The following OSBPL10 variants were observed in gnomAD, a reference collection of about 807,000 sequenced individuals.
OSBPL10 encodes oxysterol-binding protein-related protein 10.
In OSBPL10, 49 loss-of-function variants were observed where a neutral mutation model predicts 81.7. The observed-to-expected ratio is 0.60, with a 90% CI of 0.48 to 0.76. OSBPL10 has a LOEUF of 0.76. OSBPL10 is among the 30% of genes least tolerant of loss of function. OSBPL10 has a pLI of 0.00. For synonymous variants in OSBPL10, 419 were observed against 383.6 expected, an observed-to-expected ratio of 1.09 and a Z score of -1.08; for missense variants, 923 against 987.8, an observed-to-expected ratio of 0.93 and a Z score of 0.88.
intron 6 of OSBPL10, among the ~76,000 whole-genome samples, chr3:31,706,294 T>C (rs960871674): frequency 1.3e-5 from 2 of 152,172 alleles, no homozygotes; most frequent in Non-Finnish European, 2.9e-5. Context: ...GCCCTTAAGA[T>C]ATCCACCCCC....
At chr3:31,736,712 C>A (rs1395958380) in intron 5 of OSBPL10, among the ~76,000 whole-genome samples, 2 of 152,170 alleles carry the variant, frequency 1.3e-5, no homozygotes, top group African/African-American at 4.8e-5. Context: ...GAAGTTTGGG[C>A]AACACAGTGA....
At chr3:31,916,429 G>T (rs886424605) in intron 1 of OSBPL10, among the ~76,000 whole-genome samples, 8 of 152,134 alleles carry the variant, frequency 5.3e-5, no homozygotes, top group Admixed American at 2.0e-4. Context: ...AAAAACAGAG[G>T]AGTCAAGTGT....
At chr3:31,852,891 T>C (rs892934728) in intron 3 of OSBPL10, among the ~76,000 whole-genome samples, 1 of 152,162 alleles carries the variant, frequency 6.6e-6, no homozygotes, top group African/African-American at 2.4e-5. Context: ...TCCTGTTTTG[T>C]TTGTTTTAAC....
At chr3:31,742,148 C>A (rs77150776) in intron 5 of OSBPL10, among the ~76,000 whole-genome samples, 4,605 of 152,252 alleles carry the variant, frequency 0.03, 96 homozygotes, top group Middle Eastern at 0.054. Flanking sequence ...CAGTAGGTGT[C>A]AGGAAAGAAA....
At chr3:31,862,180 T>G (rs1328593206) in intron 3 of OSBPL10, among the ~76,000 whole-genome samples, 2 of 152,154 alleles carry the variant, frequency 1.3e-5, no homozygotes, top group Non-Finnish European at 2.9e-5. Flanking sequence ...CAAAAAAATT[T>G]TTTTTTAATT....
chr3:31,846,200 A>G (rs1414200930), intron 3 of OSBPL10, among the ~76,000 whole-genome samples: 1 of 152,094 alleles, frequency 6.6e-6, no homozygotes, highest in African/African-American at 2.4e-5. Flanking sequence ...TTTTGTAGAG[A>G]CAAGATCTCA....
chr3:31,761,090 A>G (rs1042122406), intron 4 of OSBPL10, among the ~76,000 whole-genome samples: 1 of 152,166 alleles, frequency 6.6e-6, no homozygotes, highest in African/African-American at 2.4e-5. Flanking sequence ...TTCTTTCTTA[A>G]ACAATTTCAG....
At chr3:31,696,154 G>T (rs1253103563) in intron 7 of OSBPL10, among the ~76,000 whole-genome samples, 2 of 151,820 alleles carry the variant, frequency 1.3e-5, no homozygotes, top group Non-Finnish European at 2.9e-5. Context: ...CCCTCTCTCT[G>T]CCTGCCCCCC....
chr3:31,825,842 C>G (rs1700087383), intron 4 of OSBPL10, among the ~76,000 whole-genome samples: 1 of 152,150 alleles, frequency 6.6e-6, no homozygotes, highest in African/African-American at 2.4e-5. Flanking sequence ...GAACCACTGT[C>G]TTAAACAACT....
intron 4 of OSBPL10, among the ~76,000 whole-genome samples, chr3:31,824,301 T>C (rs552889325): frequency 1.3e-5 from 2 of 152,226 alleles, no homozygotes; most frequent in South Asian, 4.2e-4. Context: ...GTTGCTGTAG[T>C]TGCAGGTTGG....
chr3:31,737,349 T>G (rs17028168), intron 5 of OSBPL10, among the ~76,000 whole-genome samples: 2 of 152,058 alleles, frequency 1.3e-5, no homozygotes, highest in Non-Finnish European at 2.9e-5. Flanking sequence ...GAAAAAATAT[T>G]CTCAAGAAGG....
At position 31,790,657 on chromosome 3, in the gene OSBPL10, C is replaced by T. The variant is rs145360222; in HGVS notation, c.729+39383G>A. 4.9e-4 allele frequency among the ~76,000 whole-genome samples: 75 copies of T among 152,252 alleles called. No individual in the cohort carries two copies. In the East Asian group the frequency reaches 0.011, roughly 22 times the overall value. ...ATGCTTATGGCGCCTTGAAGTTTCT[C>T]GGAACTGGAGCCAATCCTTGAGGTC... On this transcript the variant is annotated intron_variant, in intron 4 of 11. Transcript: ENST00000396556.
At chr3:31,667,232 G>T (rs1283756426) in intron 10 of OSBPL10, among the ~76,000 whole-genome samples, 1 of 152,228 alleles carries the variant, frequency 6.6e-6, no homozygotes, top group East Asian at 1.9e-4. Flanking sequence ...AAGGGGATGG[G>T]TTTCCTTCCT....
chr3:31,899,290 A>C (rs1696160734), intron 1 of OSBPL10, among the ~76,000 whole-genome samples: 1 of 152,184 alleles, frequency 6.6e-6, no homozygotes, highest in Admixed American at 6.5e-5. Context: ...TTCAAGGGAA[A>C]CCAATAGAAA....
chr3:31,722,699 G>C (rs557569719), intron 6 of OSBPL10, among the ~76,000 whole-genome samples: 171 of 152,104 alleles, frequency 1.1e-3, no homozygotes, highest in African/African-American at 3.9e-3. Context: ...AGCTGGCTCT[G>C]CATTTTAGTA....
chr3:31,741,836 G>A (rs1476173692), intron 5 of OSBPL10, among the ~76,000 whole-genome samples: 1 of 152,202 alleles, frequency 6.6e-6, no homozygotes, highest in East Asian at 1.9e-4. Flanking sequence ...TTTTCATGAT[G>A]GTGAATGGGT....
chr3:31,738,720 C>T (rs918379662), intron 5 of OSBPL10, among the ~76,000 whole-genome samples: 1 of 152,102 alleles, frequency 6.6e-6, no homozygotes, highest in Non-Finnish European at 1.5e-5. Flanking sequence ...TGGTAGAATC[C>T]AGATTAAAAC....
chr3:31,999,565 T>G (rs1348791881), intron 2 of OSBPL10, among the ~76,000 whole-genome samples: 1 of 151,984 alleles, frequency 6.6e-6, no homozygotes, highest in East Asian at 1.9e-4. Context: ...TCTCCATGTT[T>G]TTTTAGGCTG....
intron 1 of OSBPL10, among the ~76,000 whole-genome samples, chr3:32,058,080 A>G (rs1426944323): frequency 1.3e-5 from 2 of 152,208 alleles, no homozygotes; most frequent in East Asian, 3.8e-4. Flanking sequence ...TTTTCATAAG[A>G]TCTGTGCATA....
Sources: gnomAD v4.1 joint callset for allele counts (sites outside exome capture counted in the v4.1 genomes callset) on GRCh38, gnomAD v4.1.1 for gene constraint, MANE v1.5 for transcripts, NCBI Gene and HGNC (gene_info 2026-07-23, HGNC 2026-07-21) for gene names.